The following MACROD2 variants were observed in gnomAD, a reference collection of about 807,000 sequenced individuals.
The protein encoded by MACROD2 is mono-ADP ribosylhydrolase 2.
Under a neutral mutation model 70.4 loss-of-function variants are expected in MACROD2, and 36 were observed. The observed-to-expected ratio is 0.51, with a 90% confidence interval of 0.39 to 0.68. The LOEUF (loss-of-function observed/expected upper bound fraction) is 0.68, where lower values mean the gene tolerates loss of function less well. MACROD2 is among the 30% of genes least tolerant of loss of function. MACROD2 has a pLI of 0.00. For synonymous variants in MACROD2, 172 were observed against 178.8 expected (o/e 0.96, Z 0.30); for missense variants, 496 against 538.4 (o/e 0.92, Z 0.78).
chr20:15,659,054 G>A (rs1258622554), intron 8 of MACROD2, among the ~76,000 whole-genome samples: 2 of 152,110 alleles, frequency 1.3e-5, no homozygotes, highest in Non-Finnish European at 2.9e-5. Flanking sequence ...GTAAAATCTA[G>A]TCTAATAGGT....
chr20:15,249,820 G>T (rs1252182180), intron 6 of MACROD2, among the ~76,000 whole-genome samples: 1 of 152,172 alleles, frequency 6.6e-6, no homozygotes, highest in African/African-American at 2.4e-5. Context: ...GGGCCGAGCT[G>T]GTTCAAAGGT....
intron 5 of MACROD2, chr20:14,757,817 C>A (rs2071961202): frequency 1.3e-6 from 2 of 1,530,404 alleles, no homozygotes; most frequent in African/African-American, 1.4e-5. Flanking sequence ...TCATCTGCCC[C>A]CGGAGATTGT....
chr20:16,046,253 T>C (rs1318554452), intron 17 of MACROD2, among the ~76,000 whole-genome samples: 1 of 152,154 alleles, frequency 6.6e-6, no homozygotes, highest in Non-Finnish European at 1.5e-5. Flanking sequence ...CTAAATGTAA[T>C]GGTATCTGTG....
intron 8 of MACROD2, among the ~76,000 whole-genome samples, chr20:15,626,609 CT>C (rs1203425220): frequency 1.3e-5 from 2 of 152,176 alleles, no homozygotes; most frequent in African/African-American, 4.8e-5. Flanking sequence ...AATGCCAGCA[CT>C]TTGGGATGCT....
intron 3 of MACROD2, among the ~76,000 whole-genome samples, chr20:14,141,023 C>T (rs1364588044): frequency 1.3e-5 from 2 of 152,212 alleles, no homozygotes; most frequent in Non-Finnish European, 2.9e-5. Context: ...AAAATCTCTT[C>T]TGTTCCCTAA....
chr20:14,350,139 C>G (rs2180851), intron 3 of MACROD2, among the ~76,000 whole-genome samples: 2,256 of 152,186 alleles, frequency 0.015, 22 homozygotes, highest in African/African-American at 0.027. Flanking sequence ...CTGATGAACT[C>G]TTAGGTTGCT....
At chr20:14,995,370 G>T (rs537418030) in intron 5 of MACROD2, among the ~76,000 whole-genome samples, 1 of 152,060 alleles carries the variant, frequency 6.6e-6, no homozygotes, top group African/African-American at 2.4e-5. Flanking sequence ...ATTGACAAAA[G>T]AAGTAAGTCT....
At chr20:15,381,087 A>C (rs1443101498) in intron 6 of MACROD2, among the ~76,000 whole-genome samples, 1 of 152,202 alleles carries the variant, frequency 6.6e-6, no homozygotes, top group Non-Finnish European at 1.5e-5. Flanking sequence ...TATAAGAATT[A>C]ATTAACTATG....
chr20:15,920,403 A>T (rs185811957), intron 10 of MACROD2, among the ~76,000 whole-genome samples: 2 of 152,352 alleles, frequency 1.3e-5, no homozygotes, highest in East Asian at 3.9e-4. Context: ...AACAGGGGGT[A>T]TCAGGAAGTA....
intron 6 of MACROD2, among the ~76,000 whole-genome samples, chr20:15,310,652 T>G (rs1171971806): frequency 1.3e-5 from 2 of 152,128 alleles, no homozygotes; most frequent in Admixed American, 1.3e-4. Flanking sequence ...ATGCATGAAC[T>G]TGAAGGACAA....
At chr20:14,198,319 T>C (rs905273110) in intron 3 of MACROD2, among the ~76,000 whole-genome samples, 2 of 152,126 alleles carry the variant, frequency 1.3e-5, no homozygotes, top group African/African-American at 2.4e-5. Context: ...TTTATAGGAG[T>C]AAACAATGGA....
intron 4 of MACROD2, among the ~76,000 whole-genome samples, chr20:14,656,986 G>A (rs1399797064): frequency 1.3e-5 from 2 of 152,080 alleles, no homozygotes; most frequent in Non-Finnish European, 2.9e-5. Context: ...GTCATAACAT[G>A]TATGTGATAT....
chr20:14,965,523 C>T (rs573254550), intron 5 of MACROD2, among the ~76,000 whole-genome samples: 2 of 141,720 alleles, frequency 1.4e-5, no homozygotes, highest in East Asian at 2.1e-4. Flanking sequence ...TGTAGTGGCC[C>T]GATCTCGGCT....
chr20:15,116,197 T>A (rs1168026313), intron 5 of MACROD2, among the ~76,000 whole-genome samples: 1 of 152,206 alleles, frequency 6.6e-6, no homozygotes, highest in Non-Finnish European at 1.5e-5. Context: ...TAACACCTGT[T>A]CACACTGTGT....
chr20:15,394,349 A>C (rs897416303), intron 6 of MACROD2, among the ~76,000 whole-genome samples: 2 of 152,220 alleles, frequency 1.3e-5, no homozygotes. Context: ...GTCCTCTTGT[A>C]AGATAGCATC....
chr20:14,622,635 C>T (rs1000675692), intron 4 of MACROD2, among the ~76,000 whole-genome samples: 2 of 152,104 alleles, frequency 1.3e-5, no homozygotes, highest in East Asian at 1.9e-4. Context: ...CTTAGGTCTA[C>T]CCTTGAGGCA....
chr20:15,254,188 C>A (rs1355237763), intron 6 of MACROD2, among the ~76,000 whole-genome samples: 1 of 152,170 alleles, frequency 6.6e-6, no homozygotes, highest in Non-Finnish European at 1.5e-5. Context: ...CTCTCCATGC[C>A]TTGTGAGGCA....
intron 4 of MACROD2, among the ~76,000 whole-genome samples, chr20:14,598,244 A>C (rs1440016157): frequency 6.6e-6 from 1 of 151,876 alleles, no homozygotes; most frequent in African/African-American, 2.4e-5. Context: ...TTTCCCTCGT[A>C]TTTTTTCTGA....
intron 5 of MACROD2, among the ~76,000 whole-genome samples, chr20:14,730,979 G>GCGCACA (rs1555822609): frequency 2.2e-5 from 3 of 138,862 alleles, no homozygotes; most frequent in Admixed American, 7.5e-5. Context: ...AACAGGTTTA[G>GCGCACA]CACACACACA....
Sources: gnomAD v4.1 joint callset for allele counts (sites outside exome capture counted in the v4.1 genomes callset) on GRCh38, gnomAD v4.1.1 for gene constraint, MANE v1.5 for transcripts, NCBI Gene and HGNC (gene_info 2026-07-23, HGNC 2026-07-21) for gene names.